SFMBT2: variants seen among roughly 807,000 people sequenced by gnomAD.
SFMBT2 encodes the protein scm-like with four MBT domains protein 2.
SFMBT2 carries 38 observed loss-of-function variants against 110.1 expected under a neutral mutation model. That is an observed-to-expected ratio of 0.35 (90% CI 0.27 to 0.45). SFMBT2 has a LOEUF of 0.45. Among genes scored for constraint, SFMBT2 ranks in the 20% least tolerant of loss-of-function variants. The pLI is 1.00. For synonymous variants in SFMBT2, 425 were observed against 425.4 expected, an observed-to-expected ratio of 1.00 and a Z score of 0.01; for missense variants, 1,011 against 1,094.9, an observed-to-expected ratio of 0.92 and a Z score of 1.08.
chr10:7,174,720 G>T (rs866035512), intron 17 of SFMBT2, among the ~76,000 whole-genome samples: 1 of 152,212 alleles, frequency 6.6e-6, no homozygotes, highest in Non-Finnish European at 1.5e-5. Context: ...GCGAGCCCTC[G>T]GTTAGGCCTT....
intron 4 of SFMBT2, among the ~76,000 whole-genome samples, chr10:7,339,196 C>T (rs150201931): frequency 0.03 from 4,487 of 152,090 alleles, 222 homozygotes; most frequent in African/African-American, 0.1. Flanking sequence ...GCAGAGATCA[C>T]GCCACTGCAC....
chr10:7,371,863 G>A (rs1400697501), intron 2 of SFMBT2, among the ~76,000 whole-genome samples: 1 of 151,886 alleles, frequency 6.6e-6, no homozygotes, highest in Non-Finnish European at 1.5e-5. Context: ...CAGGGGACAT[G>A]GGGCCAAATA....
intron 1 of SFMBT2, among the ~76,000 whole-genome samples, chr10:7,383,023 T>C (rs983751151): frequency 6.6e-6 from 1 of 152,202 alleles, no homozygotes; most frequent in Non-Finnish European, 1.5e-5. Context: ...GACCACATGG[T>C]GTTTCTCTCA....
chr10:7,237,421 G>T (rs543331204), intron 9 of SFMBT2, among the ~76,000 whole-genome samples: 1 of 152,156 alleles, frequency 6.6e-6, no homozygotes, highest in Non-Finnish European at 1.5e-5. Flanking sequence ...TATGCATAGC[G>T]CATTATATAT....
intron 4 of SFMBT2, among the ~76,000 whole-genome samples, chr10:7,297,848 C>A (rs1459981780): frequency 1.3e-5 from 2 of 152,198 alleles, no homozygotes; most frequent in African/African-American, 4.8e-5. Flanking sequence ...GAAAATGTGG[C>A]CTCGACACCT....
chr10:7,391,322 C>G (rs1191339404), intron 1 of SFMBT2, among the ~76,000 whole-genome samples: 1 of 149,952 alleles, frequency 6.7e-6, no homozygotes, highest in Non-Finnish European at 1.5e-5. Flanking sequence ...AAAAATTAGC[C>G]GGGCATGGTG....
intron 4 of SFMBT2, among the ~76,000 whole-genome samples, chr10:7,360,065 T>C (rs1354488701): frequency 6.6e-6 from 1 of 152,226 alleles, no homozygotes; most frequent in African/African-American, 2.4e-5. Flanking sequence ...TTAAACGTCG[T>C]TACCTGGTAC....
At chr10:7,255,503 T>C (rs1031040385) in intron 7 of SFMBT2, among the ~76,000 whole-genome samples, 11 of 152,270 alleles carry the variant, frequency 7.2e-5, no homozygotes, top group Admixed American at 2.0e-4. Flanking sequence ...AGCAATGTCA[T>C]TCCCATCTAC....
chr10:7,389,895 C>T (rs1845721007), intron 1 of SFMBT2, among the ~76,000 whole-genome samples: 1 of 152,226 alleles, frequency 6.6e-6, no homozygotes, highest in Non-Finnish European at 1.5e-5. Context: ...CCTCTCAACC[C>T]TATCTTTCCT....
intron 12 of SFMBT2, chr10:7,205,449 G>A: frequency 1.0e-6 from 1 of 985,274 alleles, no homozygotes; most frequent in Non-Finnish European, 1.2e-6. Context: ...ATTCTGTTAG[G>A]AGAAGCTACA....
intron 16 of SFMBT2, among the ~76,000 whole-genome samples, chr10:7,178,746 T>C (rs1351696557): frequency 2.0e-5 from 3 of 152,176 alleles, no homozygotes; most frequent in Non-Finnish European, 4.4e-5. Flanking sequence ...ATTCGATGGG[T>C]TCTTGTTTTA....
At chr10:7,402,220 G>A (rs1846100746) in intron 1 of SFMBT2, among the ~76,000 whole-genome samples, 1 of 152,078 alleles carries the variant, frequency 6.6e-6, no homozygotes, top group East Asian at 1.9e-4. Flanking sequence ...GTTGTGAAGT[G>A]TGTACCTTGT....
intron 7 of SFMBT2, among the ~76,000 whole-genome samples, chr10:7,275,000 C>T (rs181274229): frequency 2.2e-4 from 33 of 152,226 alleles, no homozygotes; most frequent in African/African-American, 7.0e-4. Flanking sequence ...ACAATGAGGA[C>T]AGTGCCCACT....
At chr10:7,184,968 A>G (rs1018079189) in intron 16 of SFMBT2, among the ~76,000 whole-genome samples, 8 of 152,180 alleles carry the variant, frequency 5.3e-5, no homozygotes, top group African/African-American at 1.9e-4. Flanking sequence ...CATTGGTCTC[A>G]TTCTTGGTCA....
chr10:7,210,556 G>A (rs763466120), intron 11 of SFMBT2, among the ~76,000 whole-genome samples: 6 of 152,232 alleles, frequency 3.9e-5, no homozygotes, highest in Admixed American at 1.3e-4. Flanking sequence ...AAGTATTTAA[G>A]GGAATGTGTT....
At chr10:7,397,452 G>T (rs1845957187) in intron 1 of SFMBT2, among the ~76,000 whole-genome samples, 1 of 151,970 alleles carries the variant, frequency 6.6e-6, no homozygotes, top group African/African-American at 2.4e-5. Flanking sequence ...CGAAAAGCTT[G>T]TGAAATTCCA....
chr10:7,298,023 C>T (rs1182347714), intron 4 of SFMBT2, among the ~76,000 whole-genome samples: 2 of 152,204 alleles, frequency 1.3e-5, no homozygotes, highest in East Asian at 1.9e-4. Context: ...CACTGGGGCT[C>T]GCAGGTGAGG....
intron 6 of SFMBT2, among the ~76,000 whole-genome samples, chr10:7,282,880 A>G: frequency 4.6e-5 from 1 of 21,688 alleles, no homozygotes; most frequent in East Asian, 2.8e-3. Flanking sequence ...ATGAAGATTC[A>G]CCAATTTCTG....
At chr10:7,180,295 A>ATTTTTTTT (rs35437776) in intron 16 of SFMBT2, among the ~76,000 whole-genome samples, 2 of 143,746 alleles carry the variant, frequency 1.4e-5, no homozygotes, top group Non-Finnish European at 1.5e-5. Context: ...TATAGTGGTA[A>ATTTTTTTT]TTTTTTTTTT....
Sources: allele counts gnomAD v4.1 joint callset (sites outside exome capture counted in the v4.1 genomes callset), GRCh38; gene constraint gnomAD v4.1.1; transcripts MANE v1.5; gene names NCBI Gene and HGNC (gene_info 2026-07-23, HGNC 2026-07-21).